OR51B5: variants seen among roughly 807,000 people sequenced by gnomAD.
The protein encoded by OR51B5 is olfactory receptor family 51 subfamily B member 5, also known as olfactory receptor 51B5.
For missense variants in OR51B5, 456 were observed against 374.6 expected, an observed-to-expected ratio of 1.22 and a Z score of -1.79; for synonymous variants, 186 against 144.8, an observed-to-expected ratio of 1.28 and a Z score of -2.04.
upstream of OR51B5, chr11:5,345,676 TAA>T (rs1848979326): frequency 6.6e-6 from 1 of 152,110 alleles, no homozygotes; most frequent in South Asian, 2.1e-4. Flanking sequence ...TATCCTAAGT[TAA>T]AAAGATGGTC....
intron 1 of OR51B5, chr11:5,468,626 C>T (rs755009777): frequency 8.8e-6 from 4 of 455,184 alleles, no homozygotes; most frequent in Non-Finnish European, 1.3e-5. Flanking sequence ...CCTCCCAAAT[C>T]GATGAACCAT....
At chr11:5,357,255 G>C (rs532071550) in intron 1 of OR51B5, among the ~76,000 whole-genome samples, 10 of 151,988 alleles carry the variant, frequency 6.6e-5, no homozygotes, top group Non-Finnish European at 1.2e-4. Context: ...CACACACATA[G>C]GCTCAAAATA....
chr11:5,422,846 A>T, intron 1 of OR51B5: 1 of 1,614,130 alleles, frequency 6.2e-7, no homozygotes, highest in Non-Finnish European at 8.5e-7. Flanking sequence ...TCCTCTGCTC[A>T]TTGTGATCTC....
At chr11:5,437,977 G>C (rs1035485706) in intron 1 of OR51B5, among the ~76,000 whole-genome samples, 4 of 152,114 alleles carry the variant, frequency 2.6e-5, no homozygotes, top group Admixed American at 2.0e-4. Flanking sequence ...AATATCAAAG[G>C]AACAGAGGAA....
At chr11:5,496,479 C>T (rs964177102) in intron 1 of OR51B5, among the ~76,000 whole-genome samples, 2 of 152,088 alleles carry the variant, frequency 1.3e-5, no homozygotes, top group African/African-American at 2.4e-5. Flanking sequence ...CTTTCTACTC[C>T]GATGACATTC....
At chr11:5,439,575 C>T (rs1850644256) in intron 1 of OR51B5, among the ~76,000 whole-genome samples, 1 of 152,144 alleles carries the variant, frequency 6.6e-6, no homozygotes, top group Non-Finnish European at 1.5e-5. Context: ...TATTAAAACA[C>T]AAACTTCTTG....
chr11:5,485,805 C>CA (rs1851489658), intron 1 of OR51B5, among the ~76,000 whole-genome samples: 1 of 152,194 alleles, frequency 6.6e-6, no homozygotes, highest in East Asian at 1.9e-4. Context: ...ATGTCTGTTA[C>CA]AGGCTGAATT....
At chr11:5,450,149 GAGGCTGAGGTGGT>G (rs1421964224) in intron 1 of OR51B5, among the ~76,000 whole-genome samples, 3 of 152,172 alleles carry the variant, frequency 2.0e-5, no homozygotes, top group African/African-American at 7.2e-5. Flanking sequence ...AGCACTTTGG[GAGGCTGAGGTGGT>G]CAGATCACCT....
intron 1 of OR51B5, among the ~76,000 whole-genome samples, chr11:5,466,166 A>C (rs563387945): frequency 6.6e-6 from 1 of 152,242 alleles, no homozygotes; most frequent in Non-Finnish European, 1.5e-5. Flanking sequence ...TCATTTACGT[A>C]GACGACAATA....
At chr11:5,358,252 T>C (rs1224719317) in intron 1 of OR51B5, among the ~76,000 whole-genome samples, 23 of 151,828 alleles carry the variant, frequency 1.5e-4, no homozygotes, top group Admixed American at 1.4e-3. Flanking sequence ...CTAGCAAGAC[T>C]AATAAAGAAG....
At chr11:5,375,909 G>C (rs1447568307) in intron 1 of OR51B5, among the ~76,000 whole-genome samples, 1 of 152,072 alleles carries the variant, frequency 6.6e-6, no homozygotes, top group Non-Finnish European at 1.5e-5. Context: ...CAACGAGACA[G>C]AAAGTTAACA....
intron 1 of OR51B5, among the ~76,000 whole-genome samples, chr11:5,359,856 T>G (rs549493364): frequency 6.6e-6 from 1 of 152,126 alleles, no homozygotes; most frequent in Non-Finnish European, 1.5e-5. Flanking sequence ...TACAACCATC[T>G]GATCTTTGAC....
intron 1 of OR51B5, chr11:5,403,244 T>A (rs1850000979): frequency 4.2e-6 from 2 of 471,410 alleles, no homozygotes; most frequent in Non-Finnish European, 8.8e-6. Flanking sequence ...CGTTGCTGAT[T>A]GTGATCTCCT....
intron 1 of OR51B5, among the ~76,000 whole-genome samples, chr11:5,496,704 C>A (rs898055339): frequency 2.0e-5 from 3 of 152,080 alleles, no homozygotes; most frequent in Non-Finnish European, 4.4e-5. Context: ...GAGGAATATC[C>A]CCTGACACTA....
intron 1 of OR51B5, among the ~76,000 whole-genome samples, chr11:5,385,895 T>C (rs746868510): frequency 3.1e-4 from 47 of 149,236 alleles, no homozygotes; most frequent in Non-Finnish European, 5.6e-4. Context: ...CACTTATATG[T>C]TATTTAAACT....
chr11:5,449,964 C>T (rs1278857445), intron 1 of OR51B5, among the ~76,000 whole-genome samples: 1 of 152,146 alleles, frequency 6.6e-6, no homozygotes, highest in African/African-American at 2.4e-5. Context: ...TACATTCCTC[C>T]AGCCTCTACC....
At chr11:5,415,386 A>T (rs1850224759) in intron 1 of OR51B5, among the ~76,000 whole-genome samples, 1 of 151,404 alleles carries the variant, frequency 6.6e-6, no homozygotes, top group Non-Finnish European at 1.5e-5. Context: ...AAGAGCAAAC[A>T]TATTCAAAAG....
intron 1 of OR51B5, chr11:5,392,193 G>GT (rs945870437): frequency 3.3e-5 from 5 of 152,264 alleles, no homozygotes; most frequent in African/African-American, 1.2e-4. Context: ...ATGTGTGGGT[G>GT]TTATCAGACT....
Position 5,403,510 on chromosome 11 carries a change from T to C in OR51B5, n.85-56600A>G, listed in dbSNP as rs533019808. 93 of 471,810 alleles carry C rather than the reference T, an allele frequency of 2.0e-4. 2 individuals are homozygous for C. The highest frequency in any genetic ancestry group is 1.2e-3 in the South Asian group (77 of 64,568). The allele number at this position is 471,810 out of a possible 1,614,324, so 29.2% of individuals were successfully genotyped here. ...AAGACCAAGGAGATCCATGGTGCCA[T>C]TGTCCGAATGCTATTAGAGAAAAGA... On this transcript the variant is annotated intron_variant and non_coding_transcript_variant, in intron 1 of 4. Transcript: ENST00000415970.
Sources: gnomAD v4.1 joint callset for allele counts (sites outside exome capture counted in the v4.1 genomes callset) on GRCh38, gnomAD v4.1.1 for gene constraint, MANE v1.5 for transcripts, NCBI Gene and HGNC (gene_info 2026-07-23, HGNC 2026-07-21) for gene names.